LRSAM1: variants seen among roughly 807,000 people sequenced by gnomAD.
LRSAM1 encodes the protein leucine rich repeat and sterile alpha motif containing 1, also known as E3 ubiquitin-protein ligase LRSAM1.
LRSAM1 carries 96 observed loss-of-function variants against 118.1 expected under a neutral mutation model. That is an observed-to-expected ratio of 0.81 (90% CI 0.69 to 0.96). LRSAM1 has a LOEUF of 0.96. Ranked by LOEUF, LRSAM1 falls within the 40% of genes least tolerant of loss-of-function variation. The pLI is 0.00. For synonymous variants in LRSAM1, 322 were observed against 364.2 expected (o/e 0.88, Z 1.32); for missense variants, 804 against 915.5 (o/e 0.88, Z 1.57).
At chr9:127,460,698 A>G (rs1834700897) in intron 7 of LRSAM1, among the ~76,000 whole-genome samples, 3 of 152,100 alleles carry the variant, frequency 2.0e-5, no homozygotes, top group Admixed American at 1.3e-4. Context: ...AGCGGAAACA[A>G]GAATTTCTGT....
In LRSAM1 at chr9:127,499,441, G is replaced by A. The variant is rs1260844501; in HGVS notation, c.1913-1569G>A. On this transcript the variant is annotated intron_variant, in intron 24 of 25. Transcript: ENST00000300417. ...AGCTACTCTGGAGGCTGAGGTAGGA[G>A]GATTGCTTGAGCCTGGGAGGTTGAG... Among the ~76,000 whole-genome samples, 5 of 151,950 alleles carry A rather than the reference G, an allele frequency of 3.3e-5. No homozygotes were observed. In the East Asian group the frequency reaches 9.7e-4, roughly 29 times the overall value.
intron 24 of LRSAM1, among the ~76,000 whole-genome samples, chr9:127,500,221 C>T (rs886830364): frequency 2.0e-5 from 3 of 151,536 alleles, no homozygotes; most frequent in African/African-American, 7.3e-5. Flanking sequence ...ATTAGCCTGT[C>T]GTGATAGTGG....
intron 16 of LRSAM1, among the ~76,000 whole-genome samples, chr9:127,484,810 C>CTTTTTTTT (rs1376461812): frequency 1.5e-4 from 20 of 135,186 alleles, no homozygotes; most frequent in East Asian, 2.2e-4. Flanking sequence ...TTCTTTTTTT[C>CTTTTTTTT]TTTTTTTTTT....
At chr9:127,493,936 C>G (rs1836026086) in intron 21 of LRSAM1, among the ~76,000 whole-genome samples, 1 of 152,214 alleles carries the variant, frequency 6.6e-6, no homozygotes. Flanking sequence ...AAGAGAGAGA[C>G]CAGCTGCTTC....
intron 16 of LRSAM1, 129 bp from the exon 17 acceptor site, chr9:127,485,607 T>C: frequency 1.2e-6 from 1 of 822,156 alleles, no homozygotes; most frequent in Non-Finnish European, 2.1e-6. Context: ...AAGATAACTA[T>C]CAGGTAGGTA....
At chr9:127,458,972 T>G in intron 6 of LRSAM1, 31 bp from the exon 7 acceptor site, 1 of 1,612,248 alleles carries the variant, frequency 6.2e-7, no homozygotes, top group Non-Finnish European at 8.5e-7. Context: ...ACTTTCTCAC[T>G]TGGAGACTCA....
chr9:127,462,314 A>G lies in LRSAM1; in HGVS notation c.469A>G (p.Ile157Val), dbSNP rs150292099. ...GCTTCGAAGCCTGCGTACCCTCAACATCAGTGGAAACGAGATCCAGAGATT... is the reference window on the plus strand; with the variant it reads ...GCTTCGAAGCCTGCGTACCCTCAACGTCAGTGGAAACGAGATCCAGAGATT... ...GELRSLRTLN[I>V]SGNEIQRLPQ... The change falls in exon 9 of 26, where the codon ATC becomes GTC. Residue 157 changes from isoleucine to valine, a missense_variant. Ile to Val is a conservative substitution (Grantham distance 29, BLOSUM62 3). Coordinates refer to ENST00000300417, the MANE Select transcript of LRSAM1 (RefSeq NM_001005373.4). The G allele has an allele frequency of 1.6e-4, 259 of 1,614,126 alleles. No individual in the cohort carries two copies. The African/African-American group carries it at 3.2e-3, about 20-fold the overall frequency.
At chr9:127,461,357 G>C in intron 8 of LRSAM1, 100 bp downstream of exon 8, 1 of 1,028,726 alleles carries the variant, frequency 9.7e-7, no homozygotes. Context: ...TTGAGCAGGA[G>C]GGCAGCCAGT....
intron 15 of LRSAM1, 75 bp downstream of exon 15, chr9:127,481,302 G>C: frequency 6.7e-7 from 1 of 1,502,458 alleles, no homozygotes; most frequent in Non-Finnish European, 9.1e-7. Context: ...CGCCAGGCTG[G>C]AGTGCAGTGG....
At chr9:127,500,944 T>G (rs146458859) in intron 24 of LRSAM1, 66 bp from the exon 25 acceptor site, 29 of 1,611,358 alleles carry the variant, frequency 1.8e-5, no homozygotes, top group Middle Eastern at 1.7e-4. Flanking sequence ...AGGGCCACAA[T>G]GAGCCCCCAG....
chr9:127,473,857 G>C lies in LRSAM1; in HGVS notation c.676G>C (p.Asp226His), dbSNP rs1419447675. The C allele has an allele frequency of 6.2e-7, 1 of 1,614,254 alleles. No homozygotes were observed. The highest frequency in any genetic ancestry group is 1.1e-5 in the South Asian group (1 of 91,084). ...SQYLLPILEQ[D>H]GIENSRDSPD... ...GTACTTGCTGCCAATTCTGGAGCAA[G>C]ATGGAATCGAGAACTCTCGGGACAG... The change falls in exon 11 of 26, where the codon GAT becomes CAT. Residue 226 changes from aspartate (D) to histidine (H), a missense_variant. Transcript: ENST00000300417.
At chr9:127,456,260 G>A (rs1195804540) in intron 5 of LRSAM1, among the ~76,000 whole-genome samples, 5 of 145,672 alleles carry the variant, frequency 3.4e-5, no homozygotes, top group African/African-American at 1.0e-4. Context: ...GAAGACGGAC[G>A]CTCTGCTCTG....
At position 127,454,550 on chromosome 9, in the gene LRSAM1, G is replaced by A. The variant is rs777784051; in HGVS notation, c.23G>A (p.Arg8Gln). 1.4e-5 allele frequency: 22 copies of A among 1,614,058 alleles called. No individual in the cohort carries two copies. Among genetic ancestry groups the A allele is most frequent in the South Asian group, 1.1e-4 (10 of 91,080 alleles). MPLFFRK[R>Q]KPSEEARKRL... is the part of the protein sequence containing the mutation. ...AGGATGCCGCTCTTCTTCCGGAAGC[G>A]GAAACCCAGTGAGGAGGCTCGGAAA... The change falls in exon 3 of 26, where the codon CGG becomes CAG. Residue 8 changes from arginine (R) to glutamine (Q), a missense_variant. Coordinates refer to ENST00000300417, the MANE Select transcript of LRSAM1 (RefSeq NM_001005373.4).
intron 13 of LRSAM1, 123 bp from the exon 14 acceptor site, chr9:127,479,716 C>A: frequency 7.1e-7 from 1 of 1,409,622 alleles, no homozygotes; most frequent in Non-Finnish European, 9.7e-7. Flanking sequence ...AGGAGCTGGC[C>A]GGAGGTCACA....
intron 16 of LRSAM1, among the ~76,000 whole-genome samples, chr9:127,484,810 C>T (rs10987666): frequency 0.42 from 56,358 of 134,968 alleles, 12,559 homozygotes; most frequent in Non-Finnish European, 0.51. Flanking sequence ...TTCTTTTTTT[C>T]TTTTTTTTTT....
intron 20 of LRSAM1, 31 bp from the exon 21 acceptor site, chr9:127,492,771 A>C (rs1325031472): frequency 6.2e-7 from 1 of 1,606,118 alleles, no homozygotes; most frequent in Admixed American, 1.7e-5. Context: ...CCGCCAGCTC[A>C]CGGTGGTGCG....
intron 13 of LRSAM1, 102 bp downstream of exon 13, chr9:127,479,607 A>G (rs934353057): frequency 1.8e-5 from 27 of 1,531,218 alleles, no homozygotes; most frequent in Non-Finnish European, 2.2e-5. Context: ...CAGTGGGATG[A>G]AGCTGTCACT....
intron 22 of LRSAM1, 66 bp downstream of exon 22, chr9:127,495,484 G>A: frequency 7.5e-7 from 1 of 1,340,062 alleles, no homozygotes. Context: ...GGCGCCTGTG[G>A]TGCCTCCACC....
At chr9:127,502,108 A>G (rs1836413413) in intron 25 of LRSAM1, among the ~76,000 whole-genome samples, 1 of 152,252 alleles carries the variant, frequency 6.6e-6, no homozygotes, top group African/African-American at 2.4e-5. Context: ...GTGCATCAAC[A>G]AGAAAGAAGC....
Sources: gnomAD v4.1 joint callset for allele counts (sites outside exome capture counted in the v4.1 genomes callset) on GRCh38, gnomAD v4.1.1 for gene constraint, MANE v1.5 for transcripts, NCBI Gene and HGNC (gene_info 2026-07-23, HGNC 2026-07-21) for gene names.